Variants in TAFA2 observed in about 807,000 individuals in gnomAD.
TAFA2 encodes chemokine-like protein TAFA-2.
TAFA2 carries 7 observed loss-of-function variants against 18.8 expected under a neutral mutation model. That is an observed-to-expected ratio of 0.37 (90% CI 0.21 to 0.70). The LOEUF is 0.70. Ranked by LOEUF, TAFA2 falls within the 30% of genes least tolerant of loss-of-function variation. TAFA2 has a pLI of 0.53. For missense variants in TAFA2, 122 were observed against 158.1 expected (o/e 0.77, Z 1.23); for synonymous variants, 60 against 54.2 (o/e 1.11, Z -0.47).
chr12:61,760,842 T>C (rs1427745149), intron 2 of TAFA2, among the ~76,000 whole-genome samples: 1 of 151,348 alleles, frequency 6.6e-6, no homozygotes, highest in East Asian at 1.9e-4. Context: ...GAACAAACAA[T>C]TTTATTCATG....
At chr12:62,061,866 C>T (rs1315019584) in intron 1 of TAFA2, among the ~76,000 whole-genome samples, 2 of 152,144 alleles carry the variant, frequency 1.3e-5, no homozygotes, top group Non-Finnish European at 2.9e-5. Flanking sequence ...TCCTTGCCTA[C>T]TGGGAACCTA....
At chr12:61,829,979 A>T (rs553591866) in intron 2 of TAFA2, among the ~76,000 whole-genome samples, 4 of 151,854 alleles carry the variant, frequency 2.6e-5, no homozygotes, top group African/African-American at 9.6e-5. Flanking sequence ...ATTGTAGACA[A>T]TAAGAATGCA....
At chr12:61,977,340 A>T (rs1373641176) in intron 1 of TAFA2, among the ~76,000 whole-genome samples, 1 of 152,066 alleles carries the variant, frequency 6.6e-6, no homozygotes. Context: ...AAGCACTTTT[A>T]AAATTAATTA....
chr12:62,051,766 T>C (rs1882061206), intron 1 of TAFA2, among the ~76,000 whole-genome samples: 1 of 151,724 alleles, frequency 6.6e-6, no homozygotes, highest in Non-Finnish European at 1.5e-5. Flanking sequence ...AGTAAATGGA[T>C]TACATTAAAT....
At chr12:61,866,463 A>T (rs1874359023) in intron 2 of TAFA2, among the ~76,000 whole-genome samples, 1 of 152,222 alleles carries the variant, frequency 6.6e-6, no homozygotes, top group Non-Finnish European at 1.5e-5. Context: ...GTGGGCAGAG[A>T]ACTAAATTAT....
At chr12:61,871,073 T>C (rs767077944) in intron 1 of TAFA2, among the ~76,000 whole-genome samples, 1 of 151,974 alleles carries the variant, frequency 6.6e-6, no homozygotes, top group African/African-American at 2.4e-5. Flanking sequence ...GAAGTGTGTG[T>C]CATCTCTCTA....
chr12:61,756,521 G>T (rs1050646388), intron 2 of TAFA2, among the ~76,000 whole-genome samples: 1 of 151,876 alleles, frequency 6.6e-6, no homozygotes, highest in South Asian at 2.1e-4. Context: ...CATTTTAAGC[G>T]AGTGAATACC....
chr12:62,214,895 A>T (rs553506681), intron 1 of TAFA2, among the ~76,000 whole-genome samples: 7 of 152,266 alleles, frequency 4.6e-5, no homozygotes, highest in African/African-American at 1.4e-4. Flanking sequence ...TTCTAATATA[A>T]TATGCCTCAA....
chr12:61,814,183 C>A (rs1871985768), intron 2 of TAFA2, among the ~76,000 whole-genome samples: 1 of 151,146 alleles, frequency 6.6e-6, no homozygotes, highest in African/African-American at 2.5e-5. Context: ...AGGCAGCCAG[C>A]TGAGAAATTT....
At chr12:62,071,923 C>G (rs2136805251) in intron 1 of TAFA2, among the ~76,000 whole-genome samples, 1 of 152,226 alleles carries the variant, frequency 6.6e-6, no homozygotes, top group South Asian at 2.1e-4. Context: ...AACATTAGTT[C>G]TTGATGTTTT....
chr12:61,935,423 T>G (rs1877721837), intron 1 of TAFA2, among the ~76,000 whole-genome samples: 1 of 152,130 alleles, frequency 6.6e-6, no homozygotes, highest in Non-Finnish European at 1.5e-5. Context: ...AGGAAACAAT[T>G]CATATAGCTA....
intron 1 of TAFA2, among the ~76,000 whole-genome samples, chr12:62,180,297 G>C (rs2062543493): frequency 6.6e-6 from 1 of 152,148 alleles, no homozygotes; most frequent in Non-Finnish European, 1.5e-5. Context: ...ATTGAGCTTA[G>C]AGCTTAGTTA....
intron 1 of TAFA2, among the ~76,000 whole-genome samples, chr12:61,940,479 T>G (rs769049501): frequency 1.3e-5 from 2 of 152,200 alleles, no homozygotes; most frequent in Non-Finnish European, 2.9e-5. Context: ...CAGTGAGGGC[T>G]GAAAACTGCC....
chr12:61,988,110 T>C (rs1490165304), intron 1 of TAFA2, among the ~76,000 whole-genome samples: 1 of 152,134 alleles, frequency 6.6e-6, no homozygotes, highest in Non-Finnish European at 1.5e-5. Context: ...AATGCTATCA[T>C]GGCCCAATCT....
intron 1 of TAFA2, among the ~76,000 whole-genome samples, chr12:62,239,521 C>A (rs1374901188): frequency 6.6e-6 from 1 of 152,144 alleles, no homozygotes; most frequent in Non-Finnish European, 1.5e-5. Context: ...GTGACTAGTT[C>A]AATCAAAAGA....
At chr12:62,092,644 A>G (rs1361317064) in intron 1 of TAFA2, among the ~76,000 whole-genome samples, 2 of 151,936 alleles carry the variant, frequency 1.3e-5, no homozygotes, top group Non-Finnish European at 2.9e-5. Context: ...AATAACCCCA[A>G]TGTCTAGAAA....
At chr12:61,944,284 C>G (rs1396046203) in intron 1 of TAFA2, among the ~76,000 whole-genome samples, 1 of 151,370 alleles carries the variant, frequency 6.6e-6, no homozygotes, top group African/African-American at 2.5e-5. Context: ...ATACCAGACT[C>G]TCTGGGACAC....
intron 1 of TAFA2, among the ~76,000 whole-genome samples, chr12:61,982,650 T>G (rs1365412285): frequency 1.3e-5 from 2 of 152,100 alleles, no homozygotes; most frequent in Non-Finnish European, 2.9e-5. Flanking sequence ...CCCCTCAGTA[T>G]GGAGATATAT....
chr12:61,847,519 C>T (rs773313712), intron 2 of TAFA2, among the ~76,000 whole-genome samples: 19 of 152,072 alleles, frequency 1.2e-4, no homozygotes, highest in African/African-American at 2.2e-4. Context: ...CTTTGAGAAA[C>T]GCATTACATG....
Sources: gnomAD v4.1 joint callset for allele counts (sites outside exome capture counted in the v4.1 genomes callset) on GRCh38, gnomAD v4.1.1 for gene constraint, MANE v1.5 for transcripts, NCBI Gene and HGNC (gene_info 2026-07-23, HGNC 2026-07-21) for gene names.